The following IKZF2 variants were observed in gnomAD, a reference collection of about 807,000 sequenced individuals.
IKZF2 encodes the protein zinc finger protein Helios.
A neutral mutation model predicts 49.2 loss-of-function variants in IKZF2; 15 were observed. That is an observed-to-expected ratio of 0.30 (90% confidence interval 0.20 to 0.47). The LOEUF (loss-of-function observed/expected upper bound fraction) is 0.47, where lower values mean the gene tolerates loss of function less well. Ranked by LOEUF, IKZF2 falls within the 20% of genes least tolerant of loss-of-function variation. IKZF2 has a pLI of 1.00. For synonymous variants in IKZF2, 227 were observed against 221.4 expected (o/e 1.03, Z -0.23); for missense variants, 567 against 664.6 (o/e 0.85, Z 1.61).
chr2:213,039,237 G>T (rs538788842), intron 6 of IKZF2, among the ~76,000 whole-genome samples: 2 of 151,766 alleles, frequency 1.3e-5, no homozygotes, highest in Non-Finnish European at 2.9e-5. Flanking sequence ...CTATTTAATT[G>T]GGATTTTTAA....
intron 6 of IKZF2, among the ~76,000 whole-genome samples, chr2:213,035,224 A>G (rs1406540768): frequency 6.6e-6 from 1 of 151,630 alleles, no homozygotes; most frequent in African/African-American, 2.4e-5. Flanking sequence ...GGTACTTAAC[A>G]CACAATAAAT....
chr2:213,030,812 C>CAT (rs1431500708), intron 6 of IKZF2, among the ~76,000 whole-genome samples: 1 of 133,708 alleles, frequency 7.5e-6, no homozygotes, highest in African/African-American at 2.8e-5. Flanking sequence ...TACTATTTTT[C>CAT]TTTTTTTTTT....
intron 4 of IKZF2, among the ~76,000 whole-genome samples, chr2:213,073,235 C>T (rs1309100825): frequency 6.6e-6 from 1 of 152,070 alleles, no homozygotes; most frequent in East Asian, 1.9e-4. Flanking sequence ...TAATCTGGTA[C>T]TAGAAACTGA....
chr2:213,133,138 T>G (rs899627606), intron 4 of IKZF2, among the ~76,000 whole-genome samples: 2 of 152,338 alleles, frequency 1.3e-5, no homozygotes, highest in Admixed American at 1.3e-4. Flanking sequence ...TGTTTCTTAG[T>G]TATTATGTAA....
intron 6 of IKZF2, among the ~76,000 whole-genome samples, chr2:213,028,358 C>T (rs901134586): frequency 6.6e-6 from 1 of 152,140 alleles, no homozygotes; most frequent in Non-Finnish European, 1.5e-5. Context: ...TTTAGGTCTA[C>T]ATTTCCAAAC....
At chr2:213,112,241 A>C (rs2059726991) in intron 4 of IKZF2, among the ~76,000 whole-genome samples, 1 of 151,430 alleles carries the variant, frequency 6.6e-6, no homozygotes, top group Non-Finnish European at 1.5e-5. Context: ...ACAATACATT[A>C]ATTCAACTTA....
At chr2:213,141,841 C>T (rs1232011027) in intron 4 of IKZF2, among the ~76,000 whole-genome samples, 1 of 151,836 alleles carries the variant, frequency 6.6e-6, no homozygotes, top group Non-Finnish European at 1.5e-5. Context: ...ATGAGGTATC[C>T]CACAAATATT....
At chr2:213,021,627 T>G (rs1337968179) in intron 7 of IKZF2, 2 of 395,544 alleles carry the variant, frequency 5.1e-6, no homozygotes, top group East Asian at 1.5e-4. Flanking sequence ...TTTCAAATTA[T>G]ATGACTGATC....
chr2:213,047,125 A>G (rs1483757435), intron 6 of IKZF2, among the ~76,000 whole-genome samples: 1 of 152,134 alleles, frequency 6.6e-6, no homozygotes, highest in East Asian at 1.9e-4. Flanking sequence ...TTTCTCTTCA[A>G]TATTTTTGCA....
intron 6 of IKZF2, among the ~76,000 whole-genome samples, chr2:213,024,329 A>G (rs886240843): frequency 2.0e-5 from 3 of 152,154 alleles, no homozygotes; most frequent in Non-Finnish European, 4.4e-5. Context: ...TCTCTCATTC[A>G]TTCAATAACA....
At chr2:213,072,295 T>C (rs1262292803) in intron 4 of IKZF2, among the ~76,000 whole-genome samples, 1 of 120,144 alleles carries the variant, frequency 8.3e-6, no homozygotes, top group Non-Finnish European at 1.8e-5. Context: ...TCCTTTCCTT[T>C]GTTTTTTTTT....
chr2:213,043,579 G>T (rs576869268), intron 6 of IKZF2, among the ~76,000 whole-genome samples: 1 of 152,144 alleles, frequency 6.6e-6, no homozygotes, highest in Non-Finnish European at 1.5e-5. Context: ...CACCACCAGG[G>T]ACCAGTTTCA....
chr2:213,119,628 G>C (rs944141255), intron 4 of IKZF2, among the ~76,000 whole-genome samples: 15 of 152,208 alleles, frequency 9.9e-5, no homozygotes, highest in Admixed American at 9.8e-4. Flanking sequence ...CCTATGATGA[G>C]GCACAGCTAC....
chr2:213,070,311 A>G (rs1046553355), intron 4 of IKZF2, among the ~76,000 whole-genome samples: 3 of 152,164 alleles, frequency 2.0e-5, no homozygotes, highest in Non-Finnish European at 2.9e-5. Flanking sequence ...TTTAAATGCC[A>G]TTATCTTTAA....
chr2:213,085,278 A>T (rs934567849), intron 4 of IKZF2, among the ~76,000 whole-genome samples: 3 of 152,208 alleles, frequency 2.0e-5, no homozygotes, highest in Non-Finnish European at 4.4e-5. Flanking sequence ...TTTTCAAATT[A>T]TGTATGTTTT....
chr2:213,004,332 C>T lies in IKZF2; in HGVS notation c.*3028G>A, dbSNP rs1421526763. On this transcript the variant is annotated 3_prime_UTR_variant, in exon 9 of 9. Transcript: ENST00000434687. ...ATATTTCAATGACTTGAAATTTCTTCCAATCCGCCTACTGATCCCTTTCCC... is the reference window on the plus strand; with the variant it reads ...ATATTTCAATGACTTGAAATTTCTTTCAATCCGCCTACTGATCCCTTTCCC... 1.3e-5 allele frequency: 2 copies of T among 151,760 alleles called. No homozygotes were observed. The highest frequency in any genetic ancestry group is 4.8e-5 in the African/African-American group (2 of 41,372). The allele number at this position is 151,760 out of a possible 1,614,324, so 9.4% of individuals were successfully genotyped here. A position where few individuals can be genotyped will look rare whatever the true frequency, so the allele number is the denominator to read the frequency against.
chr2:213,078,103 G>A (rs781191005), intron 4 of IKZF2, among the ~76,000 whole-genome samples: 136 of 151,966 alleles, frequency 8.9e-4, no homozygotes, highest in Admixed American at 1.5e-3. Flanking sequence ...CTCTTCAAGT[G>A]TAAACAGATT....
chr2:213,110,498 C>G (rs956731620), intron 4 of IKZF2, among the ~76,000 whole-genome samples: 2 of 151,420 alleles, frequency 1.3e-5, no homozygotes, highest in Admixed American at 1.3e-4. Flanking sequence ...ATTCATGATT[C>G]TTATTTTTTA....
intron 4 of IKZF2, among the ~76,000 whole-genome samples, chr2:213,072,296 G>GTT (rs377550534): frequency 8.8e-4 from 127 of 144,494 alleles, no homozygotes; most frequent in African/African-American, 1.0e-3. Flanking sequence ...CCTTTCCTTT[G>GTT]TTTTTTTTTT....
Sources: gnomAD v4.1 joint callset for allele counts (sites outside exome capture counted in the v4.1 genomes callset) on GRCh38, gnomAD v4.1.1 for gene constraint, MANE v1.5 for transcripts, NCBI Gene and HGNC (gene_info 2026-07-23, HGNC 2026-07-21) for gene names.